Variants in ILRUN observed in about 807,000 individuals in gnomAD.
ILRUN encodes inflammation and lipid regulator with UBA-like and NBR1-like domains, also known as protein ILRUN.
In ILRUN, 3 loss-of-function variants were observed where a neutral mutation model predicts 33.8. The ratio of observed to expected loss-of-function variants is 0.09; its 90% CI spans 0.04 to 0.23. The LOEUF is 0.23. Ranked by LOEUF, ILRUN falls within the 10% of genes least tolerant of loss-of-function variation. The pLI, the probability that ILRUN is intolerant of heterozygous loss-of-function variation, is 1.00. For missense variants in ILRUN, 210 were observed against 375.1 expected, an observed-to-expected ratio of 0.56 and a Z score of 3.64; for synonymous variants, 124 against 138.9, an observed-to-expected ratio of 0.89 and a Z score of 0.75.
At chr6:34,683,484 A>ACATATATATG (rs1562033135) in intron 1 of ILRUN, among the ~76,000 whole-genome samples, 3 of 108,374 alleles carry the variant, frequency 2.8e-5, no homozygotes, top group Admixed American at 9.4e-5. Flanking sequence ...ACATATATAT[A>ACATATATATG]TACATATATA....
rs1761242683 is a variant in ILRUN, at chr6:34,588,851, A to T, written c.*1714T>A. 6.6e-6 allele frequency: 1 copy of T among 152,652 alleles called. No individual in the cohort carries two copies. The highest frequency in any genetic ancestry group is 2.4e-5 in the African/African-American group (1 of 41,452). The allele number at this position is 152,652 out of a possible 1,614,324, so 9.5% of individuals were successfully genotyped here. A position where few individuals can be genotyped will look rare whatever the true frequency, so the allele number is the denominator to read the frequency against. On this transcript the variant is annotated 3_prime_UTR_variant, in exon 5 of 5. Coordinates refer to ENST00000374023, the MANE Select transcript of ILRUN (RefSeq NM_024294.4). Reference sequence around the variant, plus strand: ...TCTCCCACAATCAAGCTCTAAAAAAACAACAGTCTCAGAAGAGGATGAGGA... The same window carrying T: ...TCTCCCACAATCAAGCTCTAAAAAATCAACAGTCTCAGAAGAGGATGAGGA...
chr6:34,657,925 T>A (rs1762808055), intron 1 of ILRUN, among the ~76,000 whole-genome samples: 1 of 152,238 alleles, frequency 6.6e-6, no homozygotes, highest in Non-Finnish European at 1.5e-5. Flanking sequence ...CAGTGCAGTC[T>A]GAAAGTTTAA....
At chr6:34,614,443 A>AAAAAAT (rs71000073) in intron 3 of ILRUN, among the ~76,000 whole-genome samples, 5 of 133,598 alleles carry the variant, frequency 3.7e-5, no homozygotes, top group African/African-American at 1.2e-4. Flanking sequence ...AAAAAAAAAA[A>AAAAAAT]ATATATATAT....
Position 34,680,978 on chromosome 6 carries a change from G to A in ILRUN, c.158+15468C>T, listed in dbSNP as rs1376296605. ...TTTAAAAATAAGGTAGGGCTTCCCT[G>A]TCACAGTTGCATGCAAACCCCAACC... is the stretch of plus-strand genomic sequence containing the variant. On this transcript the variant is annotated intron_variant, in intron 1 of 4. Coordinates refer to ENST00000374023, the MANE Select transcript of ILRUN (RefSeq NM_024294.4). 2.0e-5 allele frequency among the ~76,000 whole-genome samples: 3 copies of A among 151,846 alleles called. No individual in the cohort carries two copies. In the East Asian group the frequency reaches 5.8e-4, roughly 29 times the overall value.
chr6:34,673,482 C>G (rs1051582706), intron 1 of ILRUN, among the ~76,000 whole-genome samples: 1 of 152,146 alleles, frequency 6.6e-6, no homozygotes, highest in African/African-American at 2.4e-5. Flanking sequence ...TTATCACCCT[C>G]AGGGCAGCAA....
chr6:34,588,301 C>T lies in ILRUN; in HGVS notation c.*2264G>A, dbSNP rs1761233503. The T allele has an allele frequency of 7.5e-6, 3 of 398,464 alleles. No homozygotes were observed. Among genetic ancestry groups the T allele is most frequent in the Non-Finnish European group, 4.4e-6 (1 of 226,084 alleles). 24.7% of individuals were successfully genotyped at this position (398,464 alleles called of 1,614,324 possible). On this transcript the variant is annotated 3_prime_UTR_variant, in exon 5 of 5. Transcript: ENST00000374023. ...CCTAGAAGCAAGAGGAAGAGCAAGA[C>T]GACTCTGGCAGGCCCAGACCCACTG... is the stretch of plus-strand genomic sequence containing the variant.
intron 3 of ILRUN, among the ~76,000 whole-genome samples, chr6:34,627,587 T>C (rs536247924): frequency 6.6e-6 from 1 of 152,362 alleles, no homozygotes; most frequent in African/African-American, 2.4e-5. Context: ...TATCTCATAG[T>C]TGTTTTAACT....
chr6:34,685,665 T>C (rs1404508697), intron 1 of ILRUN: 2 of 152,172 alleles, frequency 1.3e-5, no homozygotes, highest in African/African-American at 2.4e-5. Context: ...TAAACACATC[T>C]AGTTTTGAAT....
chr6:34,629,806 T>G (rs1449566888), intron 3 of ILRUN, among the ~76,000 whole-genome samples: 1 of 152,224 alleles, frequency 6.6e-6, no homozygotes, highest in Non-Finnish European at 1.5e-5. Flanking sequence ...ATGTTACGCC[T>G]TTTGTAGTTG....
Position 34,683,180 on chromosome 6 carries a change from A to T in ILRUN, c.158+13266T>A, listed in dbSNP as rs148424104. On this transcript the variant is annotated intron_variant, in intron 1 of 4. Transcript: ENST00000374023. ...CACGTGTGTTTATGTGTATTTGTAT[A>T]TATGTGTATGTGTATATATATGTAT... 7.3e-3 allele frequency among the ~76,000 whole-genome samples: 1,100 copies of T among 151,504 alleles called. 21 individuals carry two copies. Among genetic ancestry groups the T allele is most frequent in the African/African-American group, 0.025 (1,045 of 41,328 alleles).
At chr6:34,678,607 G>A (rs1326099345) in intron 1 of ILRUN, among the ~76,000 whole-genome samples, 1 of 151,720 alleles carries the variant, frequency 6.6e-6, no homozygotes, top group Non-Finnish European at 1.5e-5. Flanking sequence ...CAGCACTTTG[G>A]GAGGCCGAGG....
At chr6:34,696,350 G>T (rs1311302325) in intron 1 of ILRUN, 96 bp downstream of exon 1, 1 of 1,346,516 alleles carries the variant, frequency 7.4e-7, no homozygotes, top group Non-Finnish European at 1.0e-6. Flanking sequence ...CTCAGTACCC[G>T]CCTGGCTCGC....
chr6:34,650,403 TTATTTTTATTTA>T (rs1426684396), intron 2 of ILRUN, among the ~76,000 whole-genome samples: 1 of 141,372 alleles, frequency 7.1e-6, no homozygotes, highest in East Asian at 2.0e-4. Flanking sequence ...TTTTATTTAT[TTATTTTTATTTA>T]TTTATTTATT....
At chr6:34,595,731 TTTTA>T in intron 4 of ILRUN, 3 of 984,106 alleles carry the variant, frequency 3.0e-6, no homozygotes, top group African/African-American at 1.7e-5. Flanking sequence ...TTTATTTTGC[TTTTA>T]TTTGTGATTT....
At chr6:34,635,595 AAGAAACTCTT>A (rs1762350505) in intron 3 of ILRUN, among the ~76,000 whole-genome samples, 1 of 149,804 alleles carries the variant, frequency 6.7e-6, no homozygotes, top group African/African-American at 2.5e-5. Context: ...GAGGGAGGAA[AAGAAACTCTT>A]AGAAAGCTTT....
At chr6:34,591,324 CT>C (rs1236673151) in intron 4 of ILRUN, among the ~76,000 whole-genome samples, 2 of 152,226 alleles carry the variant, frequency 1.3e-5, no homozygotes. Context: ...GAACCCACCC[CT>C]ATAAAAATTT....
intron 1 of ILRUN, among the ~76,000 whole-genome samples, chr6:34,679,332 AATTAAGT>A (rs1763308810): frequency 6.6e-6 from 1 of 152,214 alleles, no homozygotes; most frequent in Non-Finnish European, 1.5e-5. Flanking sequence ...ACAATTTGGC[AATTAAGT>A]ATTAAGAGCA....
intron 3 of ILRUN, among the ~76,000 whole-genome samples, chr6:34,620,201 T>G (rs1761985089): frequency 6.6e-6 from 1 of 152,096 alleles, no homozygotes; most frequent in Non-Finnish European, 1.5e-5. Flanking sequence ...TAAATAAGTT[T>G]TGACTTAGGA....
chr6:34,686,694 C>T (rs62398738), intron 1 of ILRUN: 8 of 207,254 alleles, frequency 3.9e-5, no homozygotes, highest in Admixed American at 2.1e-4. Context: ...GCAGGCCGGG[C>T]GCGGTGGCTC....
Sources: gnomAD v4.1 joint callset for allele counts (sites outside exome capture counted in the v4.1 genomes callset) on GRCh38, gnomAD v4.1.1 for gene constraint, MANE v1.5 for transcripts, NCBI Gene and HGNC (gene_info 2026-07-23, HGNC 2026-07-21) for gene names.